HCN1: variants seen among roughly 807,000 people sequenced by gnomAD.
HCN1 encodes hyperpolarization activated cyclic nucleotide gated potassium channel 1.
HCN1 carries 13 observed loss-of-function variants against 78.9 expected under a neutral mutation model. The observed-to-expected ratio is 0.16, with a 90% CI of 0.11 to 0.26. HCN1 has a LOEUF of 0.26. Ranked by LOEUF, HCN1 falls within the 10% of genes least tolerant of loss-of-function variation. The pLI is 1.00. For synonymous variants in HCN1, 552 were observed against 455.5 expected, an observed-to-expected ratio of 1.21 and a Z score of -2.70; for missense variants, 810 against 1,154.3, an observed-to-expected ratio of 0.70 and a Z score of 4.32.
intron 3 of HCN1, among the ~76,000 whole-genome samples, chr5:45,398,813 A>C (rs751249544): frequency 2.0e-5 from 3 of 152,160 alleles, no homozygotes; most frequent in African/African-American, 2.4e-5. Flanking sequence ...TTTTCCATCA[A>C]ATGTGAGTCT....
At chr5:45,315,504 A>T (rs1561102263) in intron 5 of HCN1, among the ~76,000 whole-genome samples, 1 of 152,192 alleles carries the variant, frequency 6.6e-6, no homozygotes, top group Non-Finnish European at 1.5e-5. Context: ...AATTAAAAGA[A>T]CTAGAAAAGC....
chr5:45,405,194 GA>G (rs1330365104), intron 3 of HCN1, among the ~76,000 whole-genome samples: 2 of 152,096 alleles, frequency 1.3e-5, no homozygotes, highest in Non-Finnish European at 2.9e-5. Flanking sequence ...ATGCCAATCA[GA>G]TAGAAAGTTG....
At chr5:45,562,291 TGTG>T (rs1228976965) in intron 2 of HCN1, among the ~76,000 whole-genome samples, 3 of 152,166 alleles carry the variant, frequency 2.0e-5, no homozygotes, top group Non-Finnish European at 4.4e-5. Flanking sequence ...TTTACCAAAG[TGTG>T]TTTTCCTAAC....
At chr5:45,302,989 C>A (rs1247509565) in intron 6 of HCN1, among the ~76,000 whole-genome samples, 1 of 152,020 alleles carries the variant, frequency 6.6e-6, no homozygotes, top group Admixed American at 6.6e-5. Context: ...ATGTCTTTAT[C>A]ATCAGTGTGA....
intron 2 of HCN1, among the ~76,000 whole-genome samples, chr5:45,465,598 T>G (rs1741252487): frequency 6.6e-6 from 1 of 151,828 alleles, no homozygotes; most frequent in African/African-American, 2.4e-5. Context: ...CTACTAAAAA[T>G]GCAAAAATTA....
intron 7 of HCN1, among the ~76,000 whole-genome samples, chr5:45,264,533 C>T (rs769054431): frequency 6.6e-6 from 1 of 152,122 alleles, no homozygotes; most frequent in Non-Finnish European, 1.5e-5. Context: ...GCTAGGAATG[C>T]AATCATTTTA....
At chr5:45,495,636 T>A (rs190114295) in intron 2 of HCN1, among the ~76,000 whole-genome samples, 1 of 152,314 alleles carries the variant, frequency 6.6e-6, no homozygotes, top group East Asian at 1.9e-4. Flanking sequence ...TCCAACACTA[T>A]GTTGAATAGG....
At position 45,349,533 on chromosome 5, in the gene HCN1, C is replaced by T. The variant is rs1435364743; in HGVS notation, c.1377+3567G>A. Among the ~76,000 whole-genome samples, 5 of 152,042 alleles carry T rather than the reference C, an allele frequency of 3.3e-5. No individual in the cohort carries two copies. In the East Asian group the frequency reaches 5.8e-4, roughly 18 times the overall value. On this transcript the variant is annotated intron_variant, in intron 5 of 7. Transcript: ENST00000303230. The stretch of plus-strand genomic sequence containing the variant: ...AGAAATAACTAAAATCAGAGCAGAA[C>T]TGAAGGAAATAGAGACACAAAAAAC...
chr5:45,675,833 T>G (rs986926892), intron 1 of HCN1, among the ~76,000 whole-genome samples: 9 of 151,840 alleles, frequency 5.9e-5, no homozygotes, highest in African/African-American at 1.9e-4. Flanking sequence ...TATACTTCAA[T>G]CTAAATAGCA....
intron 4 of HCN1, among the ~76,000 whole-genome samples, chr5:45,364,109 A>G (rs1388409209): frequency 1.3e-5 from 2 of 152,074 alleles, no homozygotes; most frequent in Middle Eastern, 3.4e-3. Context: ...CCATCCACAT[A>G]TGGTTCTGGC....
chr5:45,440,131 C>A (rs2112085484), intron 3 of HCN1, among the ~76,000 whole-genome samples: 1 of 151,312 alleles, frequency 6.6e-6, no homozygotes, highest in South Asian at 2.1e-4. Flanking sequence ...AAACTTAGAT[C>A]AAAAAGTTCA....
intron 3 of HCN1, among the ~76,000 whole-genome samples, chr5:45,420,339 A>G (rs1740201932): frequency 2.6e-5 from 4 of 152,288 alleles, no homozygotes; most frequent in Admixed American, 2.6e-4. Context: ...TTAATAAAAC[A>G]TATGATTTAT....
intron 4 of HCN1, among the ~76,000 whole-genome samples, chr5:45,373,448 A>C (rs992812378): frequency 5.1e-5 from 7 of 137,946 alleles, no homozygotes; most frequent in Non-Finnish European, 9.2e-5. Context: ...CATCATCTAT[A>C]ATTTATATTA....
At chr5:45,336,116 G>A (rs1254948721) in intron 5 of HCN1, among the ~76,000 whole-genome samples, 1 of 151,984 alleles carries the variant, frequency 6.6e-6, no homozygotes, top group African/African-American at 2.4e-5. Flanking sequence ...AAGTGGATGG[G>A]AGGAGAATCA....
chr5:45,557,523 T>C (rs1743496377), intron 2 of HCN1, among the ~76,000 whole-genome samples: 1 of 152,128 alleles, frequency 6.6e-6, no homozygotes, highest in South Asian at 2.1e-4. Context: ...GGTGCATGGC[T>C]TTATTGCACT....
chr5:45,695,643 G>A, intron 1 of HCN1, 26 bp downstream of exon 1: 1 of 1,606,592 alleles, frequency 6.2e-7, no homozygotes, highest in Non-Finnish European at 8.5e-7. Context: ...TGAAGGGAGG[G>A]TGGGGCGGCG....
At chr5:45,539,952 AT>A (rs1743063605) in intron 2 of HCN1, among the ~76,000 whole-genome samples, 4 of 97,244 alleles carry the variant, frequency 4.1e-5, no homozygotes, top group Admixed American at 1.1e-4. Flanking sequence ...ATATATATAT[AT>A]ATATATAAAA....
intron 5 of HCN1, among the ~76,000 whole-genome samples, chr5:45,328,554 G>A (rs764490238): frequency 1.3e-4 from 20 of 151,602 alleles, no homozygotes; most frequent in African/African-American, 4.1e-4. Context: ...TAATGATACA[G>A]CAACAGTTTA....
At chr5:45,414,322 G>A (rs1269592891) in intron 3 of HCN1, among the ~76,000 whole-genome samples, 1 of 151,918 alleles carries the variant, frequency 6.6e-6, no homozygotes, top group Non-Finnish European at 1.5e-5. Flanking sequence ...AAACAAACCT[G>A]GGTTACTCTC....
Sources: gnomAD v4.1 joint callset for allele counts (sites outside exome capture counted in the v4.1 genomes callset) on GRCh38, gnomAD v4.1.1 for gene constraint, MANE v1.5 for transcripts, NCBI Gene and HGNC (gene_info 2026-07-23, HGNC 2026-07-21) for gene names.